The following PCCB variants were observed in gnomAD, a reference collection of about 807,000 sequenced individuals.
PCCB encodes the protein propionyl-CoA carboxylase beta chain, mitochondrial.
A neutral mutation model predicts 60.7 loss-of-function variants in PCCB; 43 were observed. The observed-to-expected ratio is 0.71, with a 90% CI of 0.55 to 0.91. PCCB has a LOEUF of 0.91. PCCB is among the 40% of genes least tolerant of loss of function. The pLI is 0.00. For missense variants in PCCB, 766 were observed against 702.8 expected, an observed-to-expected ratio of 1.09 and a Z score of -1.02; for synonymous variants, 276 against 255.9, an observed-to-expected ratio of 1.08 and a Z score of -0.75.
chr3:136,329,325 T>C (rs1011388998), intron 14 of PCCB, among the ~76,000 whole-genome samples: 9 of 152,156 alleles, frequency 5.9e-5, no homozygotes, highest in African/African-American at 2.2e-4. Flanking sequence ...TGCTGTTAGC[T>C]AGACTCACTC....
chr3:136,290,814 T>C (rs1031980589), intron 6 of PCCB, among the ~76,000 whole-genome samples: 1 of 151,886 alleles, frequency 6.6e-6, no homozygotes, highest in African/African-American at 2.4e-5. Context: ...CTGCTCCTTC[T>C]GGAATTCTCA....
chr3:136,319,440 G>C (rs1212917181), intron 10 of PCCB, among the ~76,000 whole-genome samples: 2 of 147,814 alleles, frequency 1.4e-5, no homozygotes, highest in South Asian at 4.3e-4. Context: ...TCTCCAGCCC[G>C]GGCTGGAGTG....
intron 10 of PCCB, among the ~76,000 whole-genome samples, chr3:136,317,845 C>T (rs1035064504): frequency 1.3e-5 from 2 of 152,192 alleles, no homozygotes; most frequent in African/African-American, 4.8e-5. Context: ...AGACCTGATT[C>T]GCAGCCAAGT....
At chr3:136,314,149 T>C (rs376285678) in intron 9 of PCCB, among the ~76,000 whole-genome samples, 9 of 151,868 alleles carry the variant, frequency 5.9e-5, no homozygotes, top group Non-Finnish European at 4.4e-5. Context: ...TTCCAAAATA[T>C]AAGGTAGTGC....
intron 6 of PCCB, among the ~76,000 whole-genome samples, chr3:136,290,783 A>G (rs1420548623): frequency 1.4e-5 from 2 of 143,020 alleles, no homozygotes; most frequent in Non-Finnish European, 3.0e-5. Flanking sequence ...TGCTTCCTAT[A>G]TTCTGTTCTT....
At chr3:136,278,902 A>T (rs1162589121) in intron 5 of PCCB, among the ~76,000 whole-genome samples, 1 of 152,158 alleles carries the variant, frequency 6.6e-6, no homozygotes, top group African/African-American at 2.4e-5. Flanking sequence ...GTCTGCAACT[A>T]TTATTGTGCA....
chr3:136,286,996 A>T (rs924285955), intron 6 of PCCB, among the ~76,000 whole-genome samples: 5 of 151,030 alleles, frequency 3.3e-5, no homozygotes, highest in Non-Finnish European at 5.9e-5. Context: ...GCGCCACTGC[A>T]CTCCAGCCTG....
chr3:136,286,473 A>G (rs1011587411), intron 6 of PCCB, among the ~76,000 whole-genome samples: 3 of 152,160 alleles, frequency 2.0e-5, no homozygotes, highest in Admixed American at 6.5e-5. Flanking sequence ...CTTCTCCTGC[A>G]TTGCTCTCCT....
intron 3 of PCCB, among the ~76,000 whole-genome samples, chr3:136,257,734 T>C (rs1344287143): frequency 6.6e-6 from 1 of 152,092 alleles, no homozygotes; most frequent in Non-Finnish European, 1.5e-5. Context: ...GTCAGGAGTT[T>C]GAGACCAGCT....
In PCCB at chr3:136,250,417, C is replaced by G; in HGVS notation, c.42C>G (p.Leu14=). Residue 14 remains leucine (L), a synonymous_variant, in exon 1 of 15, where the codon CTC becomes CTG. Transcript: ENST00000251654. Reference sequence around the variant, plus strand: ...GGGTGGCGGCGGTCGGGGCAAGGCTCAGCGTTCTGGCGAGCGGTCTCCGCG... The same window carrying G: ...GGGTGGCGGCGGTCGGGGCAAGGCTGAGCGTTCTGGCGAGCGGTCTCCGCG... ...ALRVAAVGAR[L]SVLASGLRAA... 1 of 1,584,064 alleles carries G rather than the reference C, an allele frequency of 6.3e-7. No individual in the cohort carries two copies. The highest frequency in any genetic ancestry group is 8.6e-7 in the Non-Finnish European group (1 of 1,165,034).
At chr3:136,278,438 T>G (rs1465228362) in intron 5 of PCCB, among the ~76,000 whole-genome samples, 1 of 152,170 alleles carries the variant, frequency 6.6e-6, no homozygotes, top group Non-Finnish European at 1.5e-5. Context: ...TATTCTGTTC[T>G]TCTAAGTGGG....
At chr3:136,300,955 C>A in intron 8 of PCCB, 75 bp from the exon 9 acceptor site, 1 of 1,112,244 alleles carries the variant, frequency 9.0e-7, no homozygotes, top group Non-Finnish European at 1.4e-6. Context: ...ACCCCATTTC[C>A]TTTCCCACCC....
At chr3:136,318,407 A>T (rs1934991184) in intron 10 of PCCB, among the ~76,000 whole-genome samples, 1 of 152,212 alleles carries the variant, frequency 6.6e-6, no homozygotes, top group African/African-American at 2.4e-5. Context: ...TTGTCATGGT[A>T]AAATATATAT....
rs893508573 is a variant in PCCB at position 136,259,379 on chromosome 3, C to G, written c.373-1100C>G. 29 of 377,770 alleles carry G rather than the reference C, an allele frequency of 7.7e-5. No homozygotes were observed. The Admixed American group carries it at 1.3e-3, about 16-fold the overall frequency. 23.4% of individuals were successfully genotyped at this position (377,770 alleles called of 1,614,324 possible). ...ACTCGGGAGGCTGAGGCAGGAGAAT[C>G]ACTTGAACCTGGGAGGCGGAGGATA... On this transcript the variant is annotated intron_variant, in intron 3 of 14. Coordinates refer to ENST00000251654, the MANE Select transcript of PCCB (RefSeq NM_000532.5).
intron 3 of PCCB, chr3:136,259,079 C>CA: frequency 8.3e-7 from 1 of 1,203,026 alleles, no homozygotes; most frequent in African/African-American, 1.6e-5. Context: ...GTTATGCCCA[C>CA]AATAAGCCCT....
intron 1 of PCCB, among the ~76,000 whole-genome samples, chr3:136,252,800 G>GC (rs912094765): frequency 2.0e-5 from 3 of 151,350 alleles, no homozygotes; most frequent in African/African-American, 7.3e-5. Flanking sequence ...GCAGTGCCTG[G>GC]TCAGTATAAA....
At position 136,298,006 on chromosome 3, in the gene PCCB, A is replaced by G; in HGVS notation, c.818A>G (p.Asp273Gly). The change falls in exon 8 of 15, where the codon GAT (aspartate) becomes GGT (glycine). Residue 273 changes from aspartate (D) to glycine (G), a missense_variant. By Grantham distance (94) the Asp-to-Gly change is moderately conservative. Coordinates refer to ENST00000251654, the MANE Select transcript of PCCB (RefSeq NM_000532.5). ...GTTGATGCCTTGTGTAATCTCCGGG[A>G]TTTCTTCAACTACCTGCCCCTGAGC... ...NDVDALCNLR[D>G]FFNYLPLSSQ... The G allele has an allele frequency of 6.2e-7, 1 of 1,613,906 alleles. No homozygotes were observed. Among genetic ancestry groups the G allele is most frequent in the Non-Finnish European group, 8.5e-7 (1 of 1,179,928 alleles).
rs1312740926 is a variant in PCCB, at chr3:136,311,659, CTT to C, written c.967-5279_967-5278del. On this transcript the variant is annotated intron_variant, in intron 9 of 14. Transcript: ENST00000251654. ...CCAGCCCAGGGTGATCTTAAAAACA[CTT>C]TTGAAAATCAAAAGTAGGCCAGGCA... Among the ~76,000 whole-genome samples the C allele has an allele frequency of 3.9e-5, 6 of 152,098 alleles. No homozygotes were observed. In the East Asian group the frequency reaches 1.2e-3, roughly 30 times the overall value.
intron 5 of PCCB, among the ~76,000 whole-genome samples, chr3:136,267,941 GC>G: frequency 7.1e-6 from 1 of 140,472 alleles, no homozygotes; most frequent in Non-Finnish European, 1.5e-5. Flanking sequence ...TGTAGGTTTG[GC>G]TCTTTTTTTT....
Sources: allele counts gnomAD v4.1 joint callset (sites outside exome capture counted in the v4.1 genomes callset), GRCh38; gene constraint gnomAD v4.1.1; transcripts MANE v1.5; gene names NCBI Gene and HGNC (gene_info 2026-07-23, HGNC 2026-07-21).